Variants in CREBBP observed in about 807,000 individuals in gnomAD.
The protein encoded by CREBBP is CREB binding lysine acetyltransferase.
CREBBP carries 19 observed loss-of-function variants against 265.0 expected under a neutral mutation model. The ratio of observed to expected loss-of-function variants is 0.07; its 90% confidence interval spans 0.05 to 0.11. The LOEUF (loss-of-function observed/expected upper bound fraction) is 0.11, where lower values mean the gene tolerates loss of function less well. Ranked by LOEUF, CREBBP falls within the 10% of genes least tolerant of loss-of-function variation. The pLI is 1.00. For synonymous variants in CREBBP, 1,457 were observed against 1,223.7 expected, an observed-to-expected ratio of 1.19 and a Z score of -3.98; for missense variants, 2,525 against 3,219.0, an observed-to-expected ratio of 0.78 and a Z score of 5.22.
At chr16:3,866,645 G>T (rs984537878) in intron 1 of CREBBP, among the ~76,000 whole-genome samples, 16 of 151,118 alleles carry the variant, frequency 1.1e-4, no homozygotes, top group African/African-American at 3.9e-4. Context: ...TACATTTATG[G>T]TTTTTTGCTT....
chr16:3,788,924 T>C (rs2053447256), intron 5 of CREBBP, among the ~76,000 whole-genome samples: 1 of 152,246 alleles, frequency 6.6e-6, no homozygotes, highest in Non-Finnish European at 1.5e-5. Context: ...TGCATGCCAG[T>C]CTGGGTGACA....
At position 3,781,248 on chromosome 16, in the gene CREBBP, G is replaced by A. The variant is rs1242479235; in HGVS notation, c.1632C>T (p.Asn544=). 6.2e-7 allele frequency: 1 copy of A among 1,614,098 alleles called. No homozygotes were observed. The highest frequency in any genetic ancestry group is 8.5e-7 in the Non-Finnish European group (1 of 1,179,970). Reference sequence around the variant, plus strand: ...TCGGAAGAGCTGATTCTGAAATCAAGTTTGGGGGCTGCTGATCTGTTGTTA... The same window carrying A: ...TCGGAAGAGCTGATTCTGAAATCAAATTTGGGGGCTGCTGATCTGTTGTTA... ...GGITTDQQPP[N]LISESALPTS... is the part of the protein sequence containing the mutation. Residue 544 remains asparagine (N), a synonymous_variant, in exon 7 of 31, where the codon AAC becomes AAT. Transcript: ENST00000262367.
chr16:3,781,448 T>C, intron 6 of CREBBP, 142 bp from the exon 7 acceptor site: 1 of 679,296 alleles, frequency 1.5e-6, no homozygotes, highest in South Asian at 1.6e-5. Flanking sequence ...TAGTAAGCAC[T>C]GCGGCAGGAA....
In CREBBP at chr16:3,728,386, T is replaced by G. The variant is rs200716582; in HGVS notation, c.6661A>C (p.Met2221Leu). The stretch of plus-strand genomic sequence containing the variant: ...CCGTGCCCCGCCATGCCCCCAGCCA[T>G]GCCGGCACTCCCTTGCTGCTGCTGC... ...QQQQQQGSAG[M>L]AGGMAGHGQF... Residue 2221 changes from methionine to leucine, a missense_variant, in exon 31 of 31, where the codon ATG becomes CTG. Coordinates refer to ENST00000262367, the MANE Select transcript of CREBBP (RefSeq NM_004380.3). This position sits in a 1 kb window ranked among gnomAD's most constrained non-coding sequence, Gnocchi z 8.7. The G allele has an allele frequency of 1.2e-4, 196 of 1,613,644 alleles. No homozygotes were observed. Among genetic ancestry groups the G allele is most frequent in the Admixed American group, 1.0e-3 (60 of 59,954 alleles).
intron 2 of CREBBP, among the ~76,000 whole-genome samples, chr16:3,828,998 C>G (rs548796133): frequency 1.3e-5 from 2 of 151,754 alleles, no homozygotes; most frequent in African/African-American, 4.8e-5. Context: ...TATCCTTGCT[C>G]ATACCTGGAT....
chr16:3,727,623 C>CCT lies in CREBBP; in HGVS notation c.*94_*95insAG. 1 of 1,607,068 alleles carries CCT rather than the reference C, an allele frequency of 6.2e-7. No homozygotes were observed. Among genetic ancestry groups the CCT allele is most frequent in the South Asian group, 1.1e-5 (1 of 90,226 alleles). ...CCACCCTTCCATGGCTCGGAAGTCG[C>CCT]AGTTCCATCTAGGAATAAAAAGAAC... On this transcript the variant is annotated 3_prime_UTR_variant, in exon 31 of 31. Transcript: ENST00000262367.
At chr16:3,777,524 G>T (rs541999338) in intron 11 of CREBBP, 89 bp downstream of exon 11, 2 of 1,361,188 alleles carry the variant, frequency 1.5e-6, no homozygotes, top group East Asian at 4.6e-5. Flanking sequence ...GGGTTAGAAA[G>T]AAATATACAG....
At position 3,728,664 on chromosome 16, in the gene CREBBP, T is replaced by G. The variant is rs2151304322; in HGVS notation, c.6383A>C (p.Gln2128Pro). 6.2e-7 allele frequency: 1 copy of G among 1,613,702 alleles called. No homozygotes were observed. The highest frequency in any genetic ancestry group is 8.5e-7 in the Non-Finnish European group (1 of 1,179,858). Residue 2128 changes from glutamine (Q) to proline (P), a missense_variant, in exon 31 of 31, where the codon CAA (glutamine) becomes CCA (proline). This residue lies in a region of CREBBP where 473 missense variants were observed against 459.3 expected (regional missense o/e 1.03). Transcript: ENST00000262367. This position sits in a 1 kb window ranked among gnomAD's most constrained non-coding sequence, Gnocchi z 8.7. ...QPGLQSQPGM[Q>P]PQPGMHQQPS... ...CTGCTGGTGCATGCCAGGCTGGGGT[T>G]GCATGCCGGGCTGGGACTGGAGGCC...
rs768215294 is a variant in CREBBP at position 3,744,981 on chromosome 16, T to C, written c.3915-20A>G. The C allele has an allele frequency of 6.4e-7, 1 of 1,555,430 alleles. No individual in the cohort carries two copies. The highest frequency in any genetic ancestry group is 2.2e-5 in the East Asian group (1 of 44,574). On this transcript the variant is annotated intron_variant, in intron 22 of 30. Transcript: ENST00000262367. ...ACAAAACTGCAAAATAATAGTGGTA[T>C]GATGAGACTGTATATAATGATGTAA...
intron 19 of CREBBP, among the ~76,000 whole-genome samples, chr16:3,752,397 C>T (rs1280523235): frequency 6.6e-6 from 1 of 151,274 alleles, no homozygotes. Context: ...CGGTATTAAG[C>T]CAGATCTTTA....
intron 24 of CREBBP, among the ~76,000 whole-genome samples, 178 bp downstream of exon 24, chr16:3,740,221 G>GTAT (rs1299329745): frequency 1.3e-5 from 2 of 152,228 alleles, no homozygotes; most frequent in Non-Finnish European, 2.9e-5. Flanking sequence ...TTACTGCACT[G>GTAT]TATAGGGTAA....
At chr16:3,751,482 C>T (rs549038159) in intron 20 of CREBBP, among the ~76,000 whole-genome samples, 1 of 152,188 alleles carries the variant, frequency 6.6e-6, no homozygotes, top group Admixed American at 6.5e-5. Flanking sequence ...ATCCCAGCTA[C>T]TTGAGAGGCT....
chr16:3,835,579 T>C lies in CREBBP; in HGVS notation c.798+14718A>G, dbSNP rs867220585. ...AAATGCTCACAGAAGATTTCTTCTT[T>C]TTTTTTTTTTTTTTTTTTGAGACGG... On this transcript the variant is annotated intron_variant, in intron 2 of 30. Coordinates refer to ENST00000262367, the MANE Select transcript of CREBBP (RefSeq NM_004380.3). Among the ~76,000 whole-genome samples the C allele has an allele frequency of 6.1e-3, 889 of 146,864 alleles. 8 individuals carry two copies. The highest frequency in any genetic ancestry group is 0.02 in the African/African-American group (801 of 39,766).
intron 23 of CREBBP, chr16:3,742,033 A>G (rs1195943866): frequency 6.6e-6 from 1 of 152,148 alleles, no homozygotes; most frequent in African/African-American, 2.4e-5. Flanking sequence ...GTGAGCCGAC[A>G]TCACGTGACT....
intron 14 of CREBBP, among the ~76,000 whole-genome samples, chr16:3,769,894 G>A (rs1174749521): frequency 6.6e-6 from 1 of 151,120 alleles, no homozygotes; most frequent in East Asian, 1.9e-4. Context: ...TTTTTGAGAC[G>A]GAGTCTCACT....
In CREBBP at chr16:3,852,157, GTTTTTTTTTTTTTT is replaced by G. The variant is rs910861282; in HGVS notation, c.86-1162_86-1149del. Among the ~76,000 whole-genome samples the G allele has an allele frequency of 2.3e-3, 116 of 50,918 alleles. 3 individuals carry two copies. The highest frequency in any genetic ancestry group is 0.012 in the Middle Eastern group (1 of 82). 33.4% of individuals were successfully genotyped at this position (50,918 alleles called of 152,430 possible). On this transcript the variant is annotated intron_variant, in intron 1 of 30. Coordinates refer to ENST00000262367, the MANE Select transcript of CREBBP (RefSeq NM_004380.3). ...GGACAGTAAAGCCAATCTTAAATTT[GTTTTTTTTTTTTTT>G]TTTTTTTTTTTGAGACAGAGTCTCG...
intron 5 of CREBBP, chr16:3,791,316 T>G (rs908853008): frequency 1.3e-5 from 2 of 153,654 alleles, no homozygotes; most frequent in African/African-American, 4.8e-5. Context: ...CAGGGATCGC[T>G]GCGTAACCAG....
intron 1 of CREBBP, among the ~76,000 whole-genome samples, chr16:3,873,379 A>G (rs754387537): frequency 6.6e-6 from 1 of 152,204 alleles, no homozygotes; most frequent in African/African-American, 2.4e-5. Context: ...AGTCAATGGT[A>G]TAGATGACAG....
rs886714866 is a variant in CREBBP, at chr16:3,736,285, G to A, written c.4561-82C>T. On this transcript the variant is annotated intron_variant, in intron 27 of 30. Coordinates refer to ENST00000262367, the MANE Select transcript of CREBBP (RefSeq NM_004380.3). ...TGGTGCGACAGACCCCCACGCAAGCGTGCCCCTCACCATGGTGTGGCAGAG... is the reference window on the plus strand; with the variant it reads ...TGGTGCGACAGACCCCCACGCAAGCATGCCCCTCACCATGGTGTGGCAGAG... 8.0e-4 allele frequency: 1,142 copies of A among 1,429,464 alleles called. 3 individuals carry two copies. The highest frequency in any genetic ancestry group is 2.4e-3 in the South Asian group (206 of 87,242). The allele number at this position is 1,429,464 out of a possible 1,614,324, so 88.5% of individuals were successfully genotyped here. A position where few individuals can be genotyped will look rare whatever the true frequency, so the allele number is the denominator to read the frequency against.
Sources: allele counts gnomAD v4.1 joint callset (sites outside exome capture counted in the v4.1 genomes callset), GRCh38; gene constraint gnomAD v4.1.1; regional missense constraint gnomAD v4.1.1; non-coding constraint Gnocchi (gnomAD v3.1); transcripts MANE v1.5; gene names NCBI Gene and HGNC (gene_info 2026-07-23, HGNC 2026-07-21).